KIF3A: variants seen among roughly 807,000 people sequenced by gnomAD.
The protein encoded by KIF3A is kinesin-like protein KIF3A.
KIF3A carries 27 observed loss-of-function variants against 92.6 expected under a neutral mutation model. That is an observed-to-expected ratio of 0.29 (90% CI 0.21 to 0.40). The LOEUF (loss-of-function observed/expected upper bound fraction) is 0.40. Among genes scored for constraint, KIF3A ranks in the 10% least tolerant of loss-of-function variants. The pLI is 1.00. For missense variants in KIF3A, 581 were observed against 872.6 expected, an observed-to-expected ratio of 0.67 and a Z score of 4.21; for synonymous variants, 250 against 275.4, an observed-to-expected ratio of 0.91 and a Z score of 0.92.
In KIF3A at chr5:132,716,311, A is replaced by T; in HGVS notation, c.888T>A (p.Pro296=). The T allele has an allele frequency of 6.2e-7, 1 of 1,614,016 alleles. No individual in the cohort carries two copies. Among genetic ancestry groups the T allele is most frequent in the Non-Finnish European group, 8.5e-7 (1 of 1,179,912 alleles). Residue 296 remains proline, a synonymous_variant, in exon 7 of 19, where the codon CCT becomes CCA. Transcript: ENST00000403231. ...ALVDGKSTHV[P]YRNSKLTRLL... ...GACGAGTCAGTTTAGAGTTACGATA[A>T]GGCACATGAGTGCTTTTTCCATCAA...
rs373018322 is a variant in KIF3A at position 132,737,433 on chromosome 5, C to T, written c.-14G>A. The T allele has an allele frequency of 6.2e-7, 1 of 1,605,348 alleles. No homozygotes were observed. Among genetic ancestry groups the T allele is most frequent in the Non-Finnish European group, 8.5e-7 (1 of 1,176,300 alleles). On this transcript the variant is annotated 5_prime_UTR_variant, in exon 1 of 19. Coordinates refer to ENST00000403231, the MANE Select transcript of KIF3A (RefSeq NM_001300791.2). ...CCTCACCGGCATCTTGGCCCCCTCC[C>T]GTGCCCGGCGGACGTCCCCGCCCGG... is the stretch of plus-strand genomic sequence containing the variant.
intron 4 of KIF3A, among the ~76,000 whole-genome samples, chr5:132,722,410 G>A (rs1008124049): frequency 1.3e-5 from 2 of 152,052 alleles, no homozygotes; most frequent in African/African-American, 4.8e-5. Flanking sequence ...TTACCCTCTT[G>A]TCCTAGAATA....
intron 8 of KIF3A, 63 bp from the exon 9 acceptor site, chr5:132,711,120 TA>T: frequency 6.9e-7 from 1 of 1,444,346 alleles, no homozygotes; most frequent in East Asian, 2.3e-5. Flanking sequence ...ATTTAGGAAA[TA>T]CCTATATCAG....
chr5:132,703,098 C>T (rs753227281), intron 12 of KIF3A, 33 bp from the exon 13 acceptor site: 2 of 1,523,016 alleles, frequency 1.3e-6, no homozygotes, highest in Admixed American at 2.2e-5. Flanking sequence ...TCTATATTCA[C>T]TGATGATCTA....
At chr5:132,709,069 G>GA in intron 9 of KIF3A, 91 bp from the exon 10 acceptor site, 2 of 1,044,900 alleles carry the variant, frequency 1.9e-6, no homozygotes, top group Non-Finnish European at 2.8e-6. Flanking sequence ...AGTTTTCAGA[G>GA]AAAAAAATTT....
rs747229369 is a variant in KIF3A, at chr5:132,699,192, G to C, written c.2111C>G (p.Ala704Gly). 2 of 1,613,988 alleles carry C rather than the reference G, an allele frequency of 1.2e-6. No individual in the cohort carries two copies. Among genetic ancestry groups the C allele is most frequent in the Admixed American group, 3.3e-5 (2 of 60,024 alleles). The stretch of plus-strand genomic sequence containing the variant: ...TTACCTTCTCCCTGTCTTTGGCCTT[G>C]CTTTCCCCTTTGAAGTTCGTGGTCT... ...LERPRTSKGK[A>G]RPKTGRRKRS... The change falls in exon 18 of 19, where the codon GCA becomes GGA. Residue 704 changes from alanine to glycine, a missense_variant. Around this residue, in one of 5 missense-constraint regions of KIF3A, gnomAD observed 112 missense variants for 144.3 expected, o/e 0.78. Transcript: ENST00000403231.
downstream of KIF3A, among the ~76,000 whole-genome samples, chr5:132,690,047 A>G (rs985409999): frequency 1.3e-5 from 2 of 152,078 alleles, no homozygotes; most frequent in African/African-American, 2.4e-5. Context: ...GTGAAACCCT[A>G]TCTCTACTAA....
At chr5:132,721,808 C>T (rs954387468) in intron 4 of KIF3A, among the ~76,000 whole-genome samples, 6 of 151,822 alleles carry the variant, frequency 4.0e-5, no homozygotes, top group Admixed American at 1.3e-4. Context: ...GGCACTGAGG[C>T]GGCCACTGTA....
At position 132,695,958 on chromosome 5, in the gene KIF3A, T is replaced by C. The variant is rs528234369; in HGVS notation, c.*676A>G. On this transcript the variant is annotated 3_prime_UTR_variant, in exon 19 of 19. Transcript: ENST00000403231. ...GAACATGAAACCAGAACTTAAGGTGTATTTGATTTGAACTCAAACTGGCAA... is the reference window on the plus strand; with the variant it reads ...GAACATGAAACCAGAACTTAAGGTGCATTTGATTTGAACTCAAACTGGCAA... The C allele has an allele frequency of 6.6e-6, 1 of 152,480 alleles. No individual in the cohort carries two copies. The highest frequency in any genetic ancestry group is 2.1e-4 in the South Asian group (1 of 4,822). The allele number at this position is 152,480 out of a possible 1,614,324, so 9.4% of individuals were successfully genotyped here.
At chr5:132,732,549 G>C (rs995874730) in intron 2 of KIF3A, among the ~76,000 whole-genome samples, 8 of 152,128 alleles carry the variant, frequency 5.3e-5, no homozygotes, top group African/African-American at 1.7e-4. Flanking sequence ...GGCCGAGGCG[G>C]GTGGATCACA....
intron 14 of KIF3A, 71 bp from the exon 15 acceptor site, chr5:132,702,283 G>A (rs1055005413): frequency 6.8e-7 from 1 of 1,476,458 alleles, no homozygotes; most frequent in African/African-American, 1.4e-5. Flanking sequence ...ATCTCACATA[G>A]GATGCTTGTC....
chr5:132,708,485 C>T (rs539685256), intron 10 of KIF3A, among the ~76,000 whole-genome samples: 23 of 152,090 alleles, frequency 1.5e-4, no homozygotes, highest in Non-Finnish European at 2.8e-4. Context: ...TGTAATTGTA[C>T]GACATGTTAT....
At chr5:132,690,257 G>T (rs1340738030), downstream of KIF3A, among the ~76,000 whole-genome samples, 3 of 151,940 alleles carry the variant, frequency 2.0e-5, no homozygotes, top group African/African-American at 7.3e-5. Context: ...CAGGTGTGAG[G>T]GCATGCACCT....
At chr5:132,727,120 G>A (rs1489117963) in intron 2 of KIF3A, among the ~76,000 whole-genome samples, 11 of 152,222 alleles carry the variant, frequency 7.2e-5, no homozygotes, top group Non-Finnish European at 1.6e-4. Context: ...AGTAACAGCT[G>A]TAAGAAACAG....
At chr5:132,723,070 G>T (rs767552919) in intron 4 of KIF3A, 6 of 152,096 alleles carry the variant, frequency 3.9e-5, no homozygotes, top group Non-Finnish European at 8.8e-5. Context: ...GGACAAAAAC[G>T]TATGTTATTT....
chr5:132,721,512 T>A (rs191252324), intron 4 of KIF3A: 1 of 152,124 alleles, frequency 6.6e-6, no homozygotes, highest in Non-Finnish European at 1.5e-5. Flanking sequence ...GAAGACCTCA[T>A]AGACATCGAA....
At chr5:132,737,354 G>T in intron 1 of KIF3A, 60 bp downstream of exon 1, 16 of 1,559,390 alleles carry the variant, frequency 1.0e-5, no homozygotes, top group Non-Finnish European at 1.4e-5. Flanking sequence ...CAACGGCCGC[G>T]CCCCCGGGCC....
chr5:132,689,948 A>AGT (rs1752623902), downstream of KIF3A: 1 of 152,326 alleles, frequency 6.6e-6, no homozygotes, highest in Admixed American at 6.5e-5. Flanking sequence ...CGCCAGGTGC[A>AGT]GTGGCTCACG....
chr5:132,706,505 GCA>G lies in KIF3A; in HGVS notation c.1301-48_1301-47del, dbSNP rs754417230. Reference sequence around the variant, plus strand: ...GCAAATCGCAGACAGGAAGCAATACGCACAGAGATGAGGAGGAAAAAAAGGAA... The same window carrying G: ...GCAAATCGCAGACAGGAAGCAATACGCAGAGATGAGGAGGAAAAAAAGGAA... On this transcript the variant is annotated intron_variant, in intron 10 of 18. Transcript: ENST00000403231. 73 of 1,501,046 alleles carry G rather than the reference GCA, an allele frequency of 4.9e-5. No individual in the cohort carries two copies. The African/African-American group carries it at 8.5e-4, about 17-fold the overall frequency. 93.0% of individuals were successfully genotyped at this position (1,501,046 alleles called of 1,614,324 possible).
Sources: allele counts gnomAD v4.1 joint callset (sites outside exome capture counted in the v4.1 genomes callset), GRCh38; gene constraint gnomAD v4.1.1; regional missense constraint gnomAD v4.1.1; transcripts MANE v1.5; gene names NCBI Gene and HGNC (gene_info 2026-07-23, HGNC 2026-07-21).